FANCE: variants seen among roughly 807,000 people sequenced by gnomAD.
The protein encoded by FANCE is FA complementation group E, also known as Fanconi anemia group E protein.
Under a neutral mutation model 57.8 loss-of-function variants are expected in FANCE, and 42 were observed. That is an observed-to-expected ratio of 0.73 (90% CI 0.57 to 0.94). The LOEUF is 0.94. Among genes scored for constraint, FANCE ranks in the 40% least tolerant of loss-of-function variants. The probability of loss-of-function intolerance (pLI) is 0.00; values close to 1 mark genes in which losing one functional copy is unlikely to be tolerated. For synonymous variants in FANCE, 251 were observed against 286.4 expected (o/e 0.88, Z 1.25); for missense variants, 608 against 661.8 (o/e 0.92, Z 0.89).
chr6:35,461,808 C>T (rs1267620191), intron 8 of FANCE, among the ~76,000 whole-genome samples: 2 of 151,950 alleles, frequency 1.3e-5, no homozygotes, highest in Admixed American at 6.6e-5. Context: ...CCACCACACC[C>T]GGCTAATCTT....
In FANCE at chr6:35,457,638, C is replaced by T. The variant is rs751320024; in HGVS notation, c.900+38C>T. ...ACAGTGCTCACCATAGCCTTTCTTC[C>T]ATCTTCTACCCAGACCCCAACTATG... On this transcript the variant is annotated intron_variant, in intron 3 of 9. Coordinates refer to ENST00000229769, the MANE Select transcript of FANCE (RefSeq NM_021922.3). 1.6e-5 allele frequency: 25 copies of T among 1,609,282 alleles called. No homozygotes were observed. The South Asian group carries it at 1.7e-4, about 11-fold the overall frequency.
Position 35,458,758 on chromosome 6 carries a change from T to G in FANCE, c.1113+318T>G, listed in dbSNP as rs543253852. Among the ~76,000 whole-genome samples the G allele has an allele frequency of 4.0e-5, 6 of 151,818 alleles. No individual in the cohort carries two copies. The South Asian group carries it at 1.3e-3, about 32-fold the overall frequency. On this transcript the variant is annotated intron_variant, in intron 5 of 9. Transcript: ENST00000229769. ...CTGGGATCACAGGTGCCTTCCACCATGCCTGGCTAATTTTTGTATTTTTAT... is the reference window on the plus strand; with the variant it reads ...CTGGGATCACAGGTGCCTTCCACCAGGCCTGGCTAATTTTTGTATTTTTAT...
At chr6:35,466,148 C>T (rs1050466604) in intron 9 of FANCE, 96 bp from the exon 10 acceptor site, 13 of 812,988 alleles carry the variant, frequency 1.6e-5, no homozygotes, top group African/African-American at 1.5e-4. Context: ...TTTCCATCCT[C>T]CTGGCCTCCT....
intron 1 of FANCE, among the ~76,000 whole-genome samples, chr6:35,454,055 T>G (rs571503146): frequency 6.5e-4 from 98 of 149,812 alleles, no homozygotes; most frequent in South Asian, 6.4e-3. Context: ...TAAACTTAGG[T>G]TTTTTTTGTT....
intron 7 of FANCE, 52 bp downstream of exon 7, chr6:35,459,812 TAG>T: frequency 2.6e-6 from 4 of 1,511,390 alleles, no homozygotes; most frequent in Non-Finnish European, 3.7e-6. Flanking sequence ...TCCCCCAGGC[TAG>T]AGTGACATCA....
rs2150897316 is a variant in FANCE at position 35,459,757 on chromosome 6, T to G, written c.1313T>G (p.Leu438Arg). 1 of 1,613,984 alleles carries G rather than the reference T, an allele frequency of 6.2e-7. No homozygotes were observed. Among genetic ancestry groups the G allele is most frequent in the Non-Finnish European group, 8.5e-7 (1 of 1,179,830 alleles). ...GAGCCAGATGCACAGGTTCTAATGCTGGGGTGAGTGTGCAGGCCTCCGTGC... is the reference window on the plus strand; with the variant it reads ...GAGCCAGATGCACAGGTTCTAATGCGGGGGTGAGTGTGCAGGCCTCCGTGC... ...SLEPDAQVLMLGQILELPWKE... is the reference protein window; with the variant it reads ...SLEPDAQVLMRGQILELPWKE... Residue 438 changes from leucine to arginine, a missense_variant, in exon 7 of 10, where the codon CTG becomes CGG. Leu to Arg is a moderately radical substitution (Grantham distance 102). Coordinates refer to ENST00000229769, the MANE Select transcript of FANCE (RefSeq NM_021922.3).
chr6:35,453,102 C>T (rs1224976965), intron 1 of FANCE, among the ~76,000 whole-genome samples: 3 of 152,136 alleles, frequency 2.0e-5, no homozygotes, highest in Non-Finnish European at 4.4e-5. Context: ...ATAAAGTGTA[C>T]ACATGTGTTA....
Position 35,455,796 on chromosome 6 carries a change from T to C in FANCE, c.298T>C (p.Ser100Pro). 6.2e-7 allele frequency: 1 copy of C among 1,614,166 alleles called. No homozygotes were observed. Among genetic ancestry groups the C allele is most frequent in the Non-Finnish European group, 8.5e-7 (1 of 1,180,040 alleles). ...LPRICQRNLM[S>P]LLMAVRPSLP... The stretch of plus-strand genomic sequence containing the variant: ...CCGGATATGCCAGAGGAACCTGATG[T>C]CCCTGCTGATGGCCGTTCGGCCATC... Residue 100 changes from serine (S) to proline (P), a missense_variant, in exon 2 of 10, where the codon TCC (serine) becomes CCC (proline). By Grantham distance (74) the Ser-to-Pro change is moderately conservative (BLOSUM62 -1). Coordinates refer to ENST00000229769, the MANE Select transcript of FANCE (RefSeq NM_021922.3).
rs547467124 is a variant in FANCE, at chr6:35,464,378, C to T, written c.1509+1464C>T. Among the ~76,000 whole-genome samples the T allele has an allele frequency of 5.3e-5, 8 of 151,790 alleles. No individual in the cohort carries two copies. In the South Asian group the frequency reaches 8.3e-4, roughly 16 times the overall value. ...TCAGCCTCCTGAGTAGCTGGGACTA[C>T]AGGCGCGCGCCACCATGCCCGGCTA... On this transcript the variant is annotated intron_variant, in intron 9 of 9. Coordinates refer to ENST00000229769, the MANE Select transcript of FANCE (RefSeq NM_021922.3).
chr6:35,455,828 G>A lies in FANCE; in HGVS notation c.330G>A (p.Pro110=), dbSNP rs757051494. 9.3e-6 allele frequency: 15 copies of A among 1,614,068 alleles called. No homozygotes were observed. Among genetic ancestry groups the A allele is most frequent in the Admixed American group, 8.3e-5 (5 of 60,008 alleles). The change falls in exon 2 of 10, where the codon CCG becomes CCA. Residue 110 remains proline, a synonymous_variant. Transcript: ENST00000229769. ...TGATGGCCGTTCGGCCATCGCTGCC[G>A]GAAAGTGGGCTCCTCTCTGTGCTGC... ...SLLMAVRPSL[P]ESGLLSVLQI...
intron 5 of FANCE, among the ~76,000 whole-genome samples, chr6:35,458,881 A>G (rs1767470026): frequency 6.6e-6 from 1 of 151,950 alleles, no homozygotes; most frequent in Non-Finnish European, 1.5e-5. Context: ...TTGGGGTTCA[A>G]GCGATTCTCC....
intron 3 of FANCE, 111 bp downstream of exon 3, chr6:35,457,711 G>T: frequency 7.8e-7 from 1 of 1,287,820 alleles, no homozygotes; most frequent in Non-Finnish European, 1.1e-6. Flanking sequence ...TGGGGGAGGG[G>T]GACTGGAGTA....
chr6:35,452,438 G>A lies in FANCE; in HGVS notation c.-108G>A. On this transcript the variant is annotated 5_prime_UTR_variant, in exon 1 of 10. Coordinates refer to ENST00000229769, the MANE Select transcript of FANCE (RefSeq NM_021922.3). ...GAGCTTGTAACAGGCGCTGGAGCTG[G>A]CCCGCCACCGCCGCGTCAGGGACGG... 1 of 1,113,322 alleles carries A rather than the reference G, an allele frequency of 9.0e-7. No individual in the cohort carries two copies. The highest frequency in any genetic ancestry group is 1.1e-6 in the Non-Finnish European group (1 of 889,178). The allele number at this position is 1,113,322 out of a possible 1,614,324, so 69.0% of individuals were successfully genotyped here. A position where few individuals can be genotyped will look rare whatever the true frequency, so the allele number is the denominator to read the frequency against.
At chr6:35,458,111 C>G in intron 4 of FANCE, 127 bp downstream of exon 4, 1 of 1,201,732 alleles carries the variant, frequency 8.3e-7, no homozygotes, top group Non-Finnish European at 1.2e-6. Context: ...TCTCTCTCAG[C>G]GATAGGGGTC....
intron 8 of FANCE, among the ~76,000 whole-genome samples, chr6:35,462,181 C>T (rs1160068926): frequency 6.6e-6 from 1 of 151,888 alleles, no homozygotes; most frequent in Non-Finnish European, 1.5e-5. Context: ...AATCTCGGCT[C>T]ACTGCAACCT....
chr6:35,459,816 G>C (rs1581704780), intron 7 of FANCE, 56 bp downstream of exon 7: 2 of 1,499,162 alleles, frequency 1.3e-6, no homozygotes, highest in East Asian at 4.5e-5. Flanking sequence ...CCAGGCTAGA[G>C]TGACATCACA....
chr6:35,452,380 G>A lies in FANCE; in HGVS notation c.-166G>A. The A allele has an allele frequency of 2.8e-6, 2 of 711,870 alleles. No individual in the cohort carries two copies. Among genetic ancestry groups the A allele is most frequent in the Non-Finnish European group, 3.8e-6 (2 of 524,378 alleles). The allele number at this position is 711,870 out of a possible 1,614,324, so 44.1% of individuals were successfully genotyped here. A position where few individuals can be genotyped will look rare whatever the true frequency, so the allele number is the denominator to read the frequency against. On this transcript the variant is annotated 5_prime_UTR_variant, in exon 1 of 10. Transcript: ENST00000229769. ...CGCGGGAACGGCTGCGGCTTCGGGCGGCCGGGTTTCTCCGGTCTCCCAACG... is the reference window on the plus strand; with the variant it reads ...CGCGGGAACGGCTGCGGCTTCGGGCAGCCGGGTTTCTCCGGTCTCCCAACG...
In FANCE at chr6:35,452,715, C is replaced by T; in HGVS notation, c.170C>T (p.Pro57Leu). 2 of 1,244,628 alleles carry T rather than the reference C, an allele frequency of 1.6e-6. No individual in the cohort carries two copies. Among genetic ancestry groups the T allele is most frequent in the South Asian group, 6.9e-5 (2 of 29,150 alleles). The allele number at this position is 1,244,628 out of a possible 1,614,324, so 77.1% of individuals were successfully genotyped here. A position where few individuals can be genotyped will look rare whatever the true frequency, so the allele number is the denominator to read the frequency against. Residue 57 changes from proline to leucine, a missense_variant, in exon 1 of 10, where the codon CCC (proline) becomes CTC (leucine). Coordinates refer to ENST00000229769, the MANE Select transcript of FANCE (RefSeq NM_021922.3). ...GCGCTGGGCAGCCGCGGCTGGGAGC[C>T]CTTCGACTGGGGTCGCTTGCTCGAG... Reference protein sequence around the residue: ...LRALGSRGWEPFDWGRLLEAL... With the variant: ...LRALGSRGWELFDWGRLLEAL...
Position 35,456,609 on chromosome 6 carries a change from G to A in FANCE, c.855+256G>A, listed in dbSNP as rs1767354087. ...AGCTCACCGCAACCTCTGCCTCCCGGGTTCAAGCGATTCTCCTGCCTCAGC... is the reference window on the plus strand; with the variant it reads ...AGCTCACCGCAACCTCTGCCTCCCGAGTTCAAGCGATTCTCCTGCCTCAGC... On this transcript the variant is annotated intron_variant, in intron 2 of 9. Transcript: ENST00000229769. This position sits in a 1 kb window ranked among gnomAD's most constrained non-coding sequence, Gnocchi z 4.3. Among the ~76,000 whole-genome samples the A allele has an allele frequency of 6.6e-6, 1 of 152,166 alleles. No homozygotes were observed. The highest frequency in any genetic ancestry group is 6.5e-5 in the Admixed American group (1 of 15,282).
Sources: allele counts gnomAD v4.1 joint callset (sites outside exome capture counted in the v4.1 genomes callset), GRCh38; gene constraint gnomAD v4.1.1; non-coding constraint Gnocchi (gnomAD v3.1); transcripts MANE v1.5; gene names NCBI Gene and HGNC (gene_info 2026-07-23, HGNC 2026-07-21).